EPHA6: variants seen among roughly 807,000 people sequenced by gnomAD.
EPHA6 encodes ephrin type-A receptor 6.
A neutral mutation model predicts 112.0 loss-of-function variants in EPHA6; 50 were observed. That is an observed-to-expected ratio of 0.45 (90% CI 0.36 to 0.56). The LOEUF (loss-of-function observed/expected upper bound fraction) is 0.56. EPHA6 is among the 20% of genes least tolerant of loss of function. The pLI is 0.00. For synonymous variants in EPHA6, 529 were observed against 490.7 expected (o/e 1.08, Z -1.03); for missense variants, 1,280 against 1,417.4 (o/e 0.90, Z 1.56).
intron 5 of EPHA6, among the ~76,000 whole-genome samples, chr3:97,317,232 T>A (rs991755183): frequency 1.3e-5 from 2 of 151,810 alleles, no homozygotes; most frequent in Non-Finnish European, 2.9e-5. Context: ...CAAAAGAAGA[T>A]CAACAAAATC....
At chr3:97,157,842 A>G (rs957895659) in intron 3 of EPHA6, among the ~76,000 whole-genome samples, 5 of 152,162 alleles carry the variant, frequency 3.3e-5, no homozygotes, top group African/African-American at 1.2e-4. Context: ...ATCTTTACTC[A>G]GTCTACTGAT....
intron 3 of EPHA6, among the ~76,000 whole-genome samples, chr3:97,186,174 G>C (rs1171300301): frequency 6.6e-6 from 1 of 151,330 alleles, no homozygotes; most frequent in Admixed American, 6.6e-5. Flanking sequence ...TAACTAACCT[G>C]CACGTTGTGC....
At chr3:96,833,451 G>C (rs984276399) in intron 1 of EPHA6, among the ~76,000 whole-genome samples, 4 of 151,874 alleles carry the variant, frequency 2.6e-5, no homozygotes, top group Non-Finnish European at 5.9e-5. Flanking sequence ...ATAAATGTCT[G>C]TGTTCTGTGT....
intron 5 of EPHA6, among the ~76,000 whole-genome samples, chr3:97,392,863 T>C (rs2086493427): frequency 6.6e-6 from 1 of 151,754 alleles, no homozygotes; most frequent in Non-Finnish European, 1.5e-5. Context: ...TGCAAACTTT[T>C]TGTTGAGGAA....
rs952858865 is a variant in EPHA6 at position 97,755,538 on chromosome 3, C to T, written c.*6837C>T. Among the ~76,000 whole-genome samples, 6 of 152,070 alleles carry T rather than the reference C, an allele frequency of 3.9e-5. No homozygotes were observed. Among genetic ancestry groups the T allele is most frequent in the African/African-American group, 1.4e-4 (6 of 41,404 alleles). On this transcript the variant is annotated 3_prime_UTR_variant, in exon 18 of 18. Transcript: ENST00000389672. ...GGAGGACAACTCTAATTCAGGATTC[C>T]TATTTAGTTAGTAACAGGGTCTCCA...
chr3:97,388,460 T>C (rs1383003926), intron 5 of EPHA6, among the ~76,000 whole-genome samples: 1 of 151,964 alleles, frequency 6.6e-6, no homozygotes, highest in Non-Finnish European at 1.5e-5. Context: ...AAGTTAGAAT[T>C]GGGGGTTTAT....
chr3:97,511,593 G>C (rs113497228), intron 10 of EPHA6, among the ~76,000 whole-genome samples: 1 of 152,084 alleles, frequency 6.6e-6, no homozygotes, highest in Non-Finnish European at 1.5e-5. Context: ...TGTTGATCTC[G>C]CTGGGAGCTG....
intron 15 of EPHA6, among the ~76,000 whole-genome samples, chr3:97,725,192 T>G (rs1429258282): frequency 6.6e-6 from 1 of 152,114 alleles, no homozygotes; most frequent in African/African-American, 2.4e-5. Flanking sequence ...TGTCTGCTTC[T>G]TTACATTCCA....
chr3:97,669,666 C>T lies in EPHA6; in HGVS notation c.2784+31584C>T, dbSNP rs139081131. Among the ~76,000 whole-genome samples, 168 of 152,020 alleles carry T rather than the reference C, an allele frequency of 1.1e-3. 1 individual carries two copies. Among genetic ancestry groups the T allele is most frequent in the African/African-American group, 3.8e-3 (159 of 41,484 alleles). On this transcript the variant is annotated intron_variant, in intron 14 of 17. Transcript: ENST00000389672. ...AAATCTGCAATTTTTAACAGACACCCCCCACTCCATGATTTTTATACACAT... is the reference window on the plus strand; with the variant it reads ...AAATCTGCAATTTTTAACAGACACCTCCCACTCCATGATTTTTATACACAT...
chr3:97,555,081 TC>T (rs942680317), intron 11 of EPHA6, among the ~76,000 whole-genome samples: 2 of 150,650 alleles, frequency 1.3e-5, no homozygotes, highest in Non-Finnish European at 3.0e-5. Flanking sequence ...CCCTCCCCCT[TC>T]CCCCCACCCC....
intron 14 of EPHA6, among the ~76,000 whole-genome samples, chr3:97,677,198 A>G (rs2031464110): frequency 6.6e-6 from 1 of 152,242 alleles, no homozygotes; most frequent in South Asian, 2.1e-4. Context: ...ATGAAAATTT[A>G]GTATCCAAAT....
intron 13 of EPHA6, among the ~76,000 whole-genome samples, chr3:97,624,201 A>C (rs1045856005): frequency 6.6e-6 from 1 of 151,702 alleles, no homozygotes; most frequent in African/African-American, 2.4e-5. Flanking sequence ...TTATTATGTC[A>C]AAGTAATTTT....
chr3:97,535,690 A>G (rs969007509), intron 11 of EPHA6, among the ~76,000 whole-genome samples: 1 of 152,156 alleles, frequency 6.6e-6, no homozygotes, highest in African/African-American at 2.4e-5. Context: ...AAAAGATAAT[A>G]CTGATCAAGA....
chr3:96,971,999 G>A (rs1465502012), intron 2 of EPHA6, among the ~76,000 whole-genome samples: 2 of 151,992 alleles, frequency 1.3e-5, no homozygotes, highest in African/African-American at 4.8e-5. Context: ...TTATGATTTT[G>A]TTGTTGTATA....
chr3:97,131,526 T>A (rs2075622286), intron 3 of EPHA6, among the ~76,000 whole-genome samples: 1 of 152,138 alleles, frequency 6.6e-6, no homozygotes, highest in Non-Finnish European at 1.5e-5. Context: ...ATTGGAAAAA[T>A]CTGTGAATTT....
intron 3 of EPHA6, among the ~76,000 whole-genome samples, chr3:97,175,435 A>G (rs2076810625): frequency 6.6e-6 from 1 of 151,804 alleles, no homozygotes; most frequent in African/African-American, 2.4e-5. Context: ...TCTGAAGGTC[A>G]TTGGTAGTTT....
rs553690602 is a variant in EPHA6, at chr3:97,560,831, G to A, written c.2386+28288G>A. ...CGTTTTTTACAAACTGAAGGTTTTT[G>A]GCAACATTGCATTGAGCAAATCTAT... On this transcript the variant is annotated intron_variant, in intron 11 of 17. Transcript: ENST00000389672. Among the ~76,000 whole-genome samples the A allele has an allele frequency of 8.6e-4, 130 of 151,980 alleles. 1 individual carries two copies. Among genetic ancestry groups the A allele is most frequent in the African/African-American group, 2.9e-3 (121 of 41,488 alleles).
intron 7 of EPHA6, among the ~76,000 whole-genome samples, chr3:97,463,914 C>A (rs2090970935): frequency 6.6e-6 from 1 of 152,018 alleles, no homozygotes; most frequent in Non-Finnish European, 1.5e-5. Flanking sequence ...ATCACATAAA[C>A]CATGAGCTAG....
At position 97,755,623 on chromosome 3, in the gene EPHA6, G is replaced by A. The variant is rs2036008233; in HGVS notation, c.*6922G>A. On this transcript the variant is annotated 3_prime_UTR_variant, in exon 18 of 18. Coordinates refer to ENST00000389672, the MANE Select transcript of EPHA6 (RefSeq NM_001080448.3). Reference sequence around the variant, plus strand: ...TATCCCAAAATAATACATTATTATAGAAAAAATTCCAAGGATATAAGAATC... The same window carrying A: ...TATCCCAAAATAATACATTATTATAAAAAAAATTCCAAGGATATAAGAATC... Among the ~76,000 whole-genome samples, 2 of 152,010 alleles carry A rather than the reference G, an allele frequency of 1.3e-5. No individual in the cohort carries two copies. The highest frequency in any genetic ancestry group is 2.9e-5 in the Non-Finnish European group (2 of 67,950).
Sources: allele counts gnomAD v4.1 joint callset (sites outside exome capture counted in the v4.1 genomes callset), GRCh38; gene constraint gnomAD v4.1.1; transcripts MANE v1.5; gene names NCBI Gene and HGNC (gene_info 2026-07-23, HGNC 2026-07-21).